INPP5B: variants seen among roughly 807,000 people sequenced by gnomAD.
The protein encoded by INPP5B is inositol polyphosphate-5-phosphatase B.
INPP5B carries 90 observed loss-of-function variants against 118.5 expected under a neutral mutation model. The ratio of observed to expected loss-of-function variants is 0.76; its 90% CI spans 0.64 to 0.90. The LOEUF (loss-of-function observed/expected upper bound fraction) is 0.90. Ranked by LOEUF, INPP5B falls within the 40% of genes least tolerant of loss-of-function variation. The probability of loss-of-function intolerance (pLI) is 0.00; values close to 1 mark genes in which losing one functional copy is unlikely to be tolerated. For missense variants in INPP5B, 984 were observed against 1,125.6 expected (o/e 0.87, Z 1.80); for synonymous variants, 385 against 418.9 (o/e 0.92, Z 0.99).
chr1:37,912,068 C>T (rs1644719286), intron 7 of INPP5B, among the ~76,000 whole-genome samples: 1 of 152,236 alleles, frequency 6.6e-6, no homozygotes, highest in Admixed American at 6.5e-5. Context: ...AGGCAACTAT[C>T]TTCCAGTCCT....
At chr1:37,930,801 C>G (rs1386851355) in intron 7 of INPP5B, 1 of 152,262 alleles carries the variant, frequency 6.6e-6, no homozygotes, top group African/African-American at 2.4e-5. Context: ...CTTGTAAGAG[C>G]AAGTGGAGGG....
rs370053120 is a variant in INPP5B, at chr1:37,904,450, T to C, written c.533-12996A>G. On this transcript the variant is annotated intron_variant, in intron 7 of 23. Transcript: ENST00000373024. ...AAAGTTTAAGAGTTTGTTAATCTTG[T>C]AAATGAAATTCTGTGTGTGAACATA... is the stretch of plus-strand genomic sequence containing the variant. 6.6e-5 allele frequency among the ~76,000 whole-genome samples: 10 copies of C among 152,368 alleles called. 1 individual carries two copies. Among genetic ancestry groups the C allele is most frequent in the Admixed American group, 5.9e-4 (9 of 15,304 alleles).
At chr1:37,891,046 G>A (rs1383586933) in intron 8 of INPP5B, among the ~76,000 whole-genome samples, 1 of 151,974 alleles carries the variant, frequency 6.6e-6, no homozygotes, top group African/African-American at 2.4e-5. Flanking sequence ...GACCAACATG[G>A]AGAAAACCCA....
intron 9 of INPP5B, among the ~76,000 whole-genome samples, chr1:37,888,563 A>G (rs1643668211): frequency 6.6e-6 from 1 of 152,226 alleles, no homozygotes; most frequent in Non-Finnish European, 1.5e-5. Context: ...CAAATAGTAT[A>G]GGCCTACTCC....
At position 37,922,110 on chromosome 1, in the gene INPP5B, G is replaced by A. The variant is rs1475082661; in HGVS notation, c.532+9803C>T. Among the ~76,000 whole-genome samples, 3 of 152,286 alleles carry A rather than the reference G, an allele frequency of 2.0e-5. No homozygotes were observed. The East Asian group carries it at 5.8e-4, about 29-fold the overall frequency. On this transcript the variant is annotated intron_variant, in intron 7 of 23. Coordinates refer to ENST00000373024, the MANE Select transcript of INPP5B (RefSeq NM_005540.3). ...CTGGCTACGTAGGAGGCTGAGGCAG[G>A]AGAACCACTTGAACATGGGAGGTGA...
chr1:37,907,606 C>G lies in INPP5B; in HGVS notation c.533-16152G>C, dbSNP rs1002526925. Among the ~76,000 whole-genome samples the G allele has an allele frequency of 1.3e-5, 2 of 152,154 alleles. No homozygotes were observed. The highest frequency in any genetic ancestry group is 1.3e-4 in the Admixed American group (2 of 15,272). On this transcript the variant is annotated intron_variant, in intron 7 of 23. Coordinates refer to ENST00000373024, the MANE Select transcript of INPP5B (RefSeq NM_005540.3). This position sits in a 1 kb window ranked among gnomAD's most constrained non-coding sequence, Gnocchi z 4.3. ...AAGTCACTGGATGAGATGTGAGGGT[C>G]AGCACAAGGCACAGGTCATAAAGAC...
chr1:37,887,250 A>G (rs1160231326), intron 11 of INPP5B, 101 bp downstream of exon 11: 1 of 848,550 alleles, frequency 1.2e-6, no homozygotes, highest in Non-Finnish European at 1.9e-6. Context: ...CGGGATAATT[A>G]AGACTGGCTT....
chr1:37,932,083 G>A (rs1244028401), intron 6 of INPP5B, 30 bp from the exon 7 acceptor site: 12 of 1,542,064 alleles, frequency 7.8e-6, no homozygotes, highest in Non-Finnish European at 1.0e-5. Flanking sequence ...GGCAGACTGA[G>A]CCACGAGCTT....
In INPP5B at chr1:37,873,107, G is replaced by A. The variant is rs2148467576; in HGVS notation, c.2010C>T (p.Leu670=). The change falls in exon 19 of 24, where the codon CTC becomes CTT. Residue 670 remains leucine, a synonymous_variant. Transcript: ENST00000373024. ...LFVNKMTATK[L]NSGEDKIEDI... is the part of the protein sequence containing the mutation. ...CCTCAATTTTGTCTTCACCCGAGTT[G>A]AGCTTTGTAGCTGTCATCTTATTTA... 1 of 1,614,112 alleles carries A rather than the reference G, an allele frequency of 6.2e-7. No individual in the cohort carries two copies.
At chr1:37,921,576 G>A (rs1157619385) in intron 7 of INPP5B, among the ~76,000 whole-genome samples, 2 of 152,246 alleles carry the variant, frequency 1.3e-5, no homozygotes, top group East Asian at 3.8e-4. Context: ...GCCAGGCGCA[G>A]TGCCTCACGC....
rs868394471 is a variant in INPP5B, at chr1:37,931,932, C to A, written c.513G>T (p.Gly171=). 1 of 1,614,060 alleles carries A rather than the reference C, an allele frequency of 6.2e-7. No individual in the cohort carries two copies. Among genetic ancestry groups the A allele is most frequent in the Middle Eastern group, 1.6e-4 (1 of 6,062 alleles). The part of the protein sequence containing the change: ...GCNSALVTWP[G]YATIGGGGSN... ...ACCTGCCTCCGCCAATTGTCGCGTACCCTGGCCAGGTAACTAGGGCCGAGT... is the reference window on the plus strand; with the variant it reads ...ACCTGCCTCCGCCAATTGTCGCGTAACCTGGCCAGGTAACTAGGGCCGAGT... Residue 171 remains glycine, a synonymous_variant, in exon 7 of 24, where the codon GGG becomes GGT. Transcript: ENST00000373024.
Position 37,946,303 on chromosome 1 carries a change from GT to G in INPP5B, c.5del (p.Asp2AlafsTer71), listed in dbSNP as rs1207527162. The G allele has an allele frequency of 3.1e-6, 5 of 1,611,638 alleles. No homozygotes were observed. In the South Asian group the frequency reaches 5.5e-5, roughly 18 times the overall value. Reference protein sequence around the residue: MDQSVAIQETLA... With the variant: MXQSVAIQETLA... ...GCGTCTCCTGGATTGCCACAGACTG[GT>G]CCATGCTGGCCCCTGCTGAGCGCAC... On this transcript the variant is annotated frameshift_variant, in exon 2 of 24. Transcript: ENST00000373024. LOFTEE classifies it high-confidence loss of function.
At chr1:37,896,502 C>G (rs1218387418) in intron 7 of INPP5B, among the ~76,000 whole-genome samples, 1 of 148,168 alleles carries the variant, frequency 6.7e-6, no homozygotes, top group Non-Finnish European at 1.5e-5. Context: ...GGCCAGCCGC[C>G]CCGTCCGGCA....
intron 7 of INPP5B, among the ~76,000 whole-genome samples, chr1:37,902,124 T>C (rs1021156052): frequency 2.6e-5 from 4 of 151,918 alleles, no homozygotes; most frequent in Admixed American, 1.3e-4. Flanking sequence ...AAAGCTGGGA[T>C]CACAGGCATG....
At chr1:37,872,063 C>CAAAAAAAAA in intron 19 of INPP5B, among the ~76,000 whole-genome samples, 1 of 58,214 alleles carries the variant, frequency 1.7e-5, no homozygotes, top group Admixed American at 2.2e-4. Flanking sequence ...GACTCCATCT[C>CAAAAAAAAA]AAAAAAAAAA....
chr1:37,909,869 G>C (rs936015907), intron 7 of INPP5B, among the ~76,000 whole-genome samples: 6 of 152,140 alleles, frequency 3.9e-5, no homozygotes, highest in Non-Finnish European at 5.9e-5. Context: ...ACTTCAAAAC[G>C]CCTAAACCTC....
intron 6 of INPP5B, 43 bp downstream of exon 6, chr1:37,940,645 C>A: frequency 8.3e-7 from 1 of 1,211,054 alleles, no homozygotes; most frequent in South Asian, 1.2e-5. Flanking sequence ...AGGTGAATAC[C>A]CAGCAACCCA....
chr1:37,933,218 A>G (rs1645558086), intron 6 of INPP5B, among the ~76,000 whole-genome samples: 1 of 152,238 alleles, frequency 6.6e-6, no homozygotes, highest in Non-Finnish European at 1.5e-5. Flanking sequence ...AGGCAAGTTT[A>G]TATTTCCATT....
At chr1:37,880,264 G>A (rs1202894719) in intron 14 of INPP5B, 70 bp from the exon 15 acceptor site, 3 of 1,139,614 alleles carry the variant, frequency 2.6e-6, no homozygotes, top group Non-Finnish European at 3.9e-6. Flanking sequence ...GTGGAGAAAA[G>A]CATATCAATC....
Sources: gnomAD v4.1 joint callset for allele counts (sites outside exome capture counted in the v4.1 genomes callset) on GRCh38, gnomAD v4.1.1 for gene constraint, Gnocchi (gnomAD v3.1) non-coding constraint, MANE v1.5 for transcripts, NCBI Gene and HGNC (gene_info 2026-07-23, HGNC 2026-07-21) for gene names.